The following TGFB2 variants were observed in gnomAD, a reference collection of about 807,000 sequenced individuals.
TGFB2 encodes the protein transforming growth factor beta-2 proprotein.
Under a neutral mutation model 42.7 loss-of-function variants are expected in TGFB2, and 13 were observed. That is an observed-to-expected ratio of 0.30 (90% CI 0.20 to 0.48). TGFB2 has a LOEUF of 0.48. Among genes scored for constraint, TGFB2 ranks in the 20% least tolerant of loss-of-function variants. The pLI, the probability that TGFB2 is intolerant of heterozygous loss-of-function variation, is 0.99. For missense variants in TGFB2, 390 were observed against 517.5 expected (o/e 0.75, Z 2.39); for synonymous variants, 193 against 193.6 (o/e 1.00, Z 0.03).
Position 218,436,294 on chromosome 1 carries a change from A to T in TGFB2, c.932+147A>T, listed in dbSNP as rs1049975705. ...TACAGCTCCTGTGTCTCATAATACC[A>T]TTCTTCCCAGAGGCTTATATTCATC... On this transcript the variant is annotated intron_variant, in intron 5 of 6. Coordinates refer to ENST00000366930, the MANE Select transcript of TGFB2 (RefSeq NM_003238.6). 1.4e-5 allele frequency: 10 copies of T among 737,680 alleles called. No individual in the cohort carries two copies. In the African/African-American group the frequency reaches 1.6e-4, roughly 12 times the overall value. The allele number at this position is 737,680 out of a possible 1,614,324, so 45.7% of individuals were successfully genotyped here.
intron 1 of TGFB2, chr1:218,363,280 G>A (rs1179090078): frequency 1.4e-6 from 2 of 1,413,124 alleles, no homozygotes; most frequent in Admixed American, 3.4e-5. Flanking sequence ...ATAGTTCTGT[G>A]CCAGGCATCT....
chr1:218,382,225 A>T (rs1657989755), intron 1 of TGFB2, among the ~76,000 whole-genome samples: 1 of 152,200 alleles, frequency 6.6e-6, no homozygotes, highest in Non-Finnish European at 1.5e-5. Context: ...AGGAAGCTGG[A>T]AATATAAGTA....
At chr1:218,435,919 ATTTGATGAAGG>A in intron 4 of TGFB2, 40 bp from the exon 5 acceptor site, 1 of 1,540,292 alleles carries the variant, frequency 6.5e-7, no homozygotes, top group Non-Finnish European at 8.8e-7. Flanking sequence ...GGCTGACTAT[ATTTGATGAAGG>A]TGAAGCTAAA....
chr1:218,374,600 A>G (rs1031134725), intron 1 of TGFB2, among the ~76,000 whole-genome samples: 2 of 152,196 alleles, frequency 1.3e-5, no homozygotes, highest in African/African-American at 4.8e-5. Context: ...TTCCGTTTAT[A>G]TCTCTCAGCC....
chr1:218,426,351 A>G (rs1043228594), intron 2 of TGFB2, among the ~76,000 whole-genome samples: 2 of 152,162 alleles, frequency 1.3e-5, no homozygotes, highest in Non-Finnish European at 2.9e-5. Context: ...TCTGGCTATA[A>G]TTTTGCATCT....
At chr1:218,381,059 A>C (rs919812532) in intron 1 of TGFB2, among the ~76,000 whole-genome samples, 3 of 152,180 alleles carry the variant, frequency 2.0e-5, no homozygotes, top group Non-Finnish European at 4.4e-5. Flanking sequence ...TAGTAAAACT[A>C]GTACAGAGCA....
chr1:218,417,302 G>A (rs997763550), intron 2 of TGFB2, among the ~76,000 whole-genome samples: 1 of 152,212 alleles, frequency 6.6e-6, no homozygotes. Context: ...CTGGAGCAAA[G>A]GTGACTCTAC....
intron 2 of TGFB2, among the ~76,000 whole-genome samples, chr1:218,410,918 GGGCA>G (rs1356943041): frequency 6.6e-6 from 1 of 152,150 alleles, no homozygotes; most frequent in African/African-American, 2.4e-5. Flanking sequence ...TCTTCTATAT[GGGCA>G]AGAACACCTG....
chr1:218,359,181 G>A (rs6671843), intron 1 of TGFB2, among the ~76,000 whole-genome samples: 1 of 152,136 alleles, frequency 6.6e-6, no homozygotes, highest in South Asian at 2.1e-4. Context: ...TCTGAAGCAG[G>A]AGGTTCCACC....
Position 218,434,519 on chromosome 1 carries a change from T to C in TGFB2, c.754+71T>C, listed in dbSNP as rs10482812. 4.2e-3 allele frequency: 4,072 copies of C among 979,316 alleles called. 85 individuals carry two copies. The African/African-American group carries it at 0.052, about 13-fold the overall frequency. The allele number at this position is 979,316 out of a possible 1,614,324, so 60.7% of individuals were successfully genotyped here. On this transcript the variant is annotated intron_variant, in intron 4 of 6. Coordinates refer to ENST00000366930, the MANE Select transcript of TGFB2 (RefSeq NM_003238.6). ...ATTGATAATCTCATGGGGGATAAAA[T>C]CAGTTTGCATGTGAAAATGAGACTG...
intron 1 of TGFB2, among the ~76,000 whole-genome samples, chr1:218,363,676 T>C (rs1657291744): frequency 6.6e-6 from 1 of 152,176 alleles, no homozygotes; most frequent in African/African-American, 2.4e-5. Context: ...GATATGTGTT[T>C]TAGGGGTCAC....
chr1:218,440,935 G>A (rs1039650038), intron 6 of TGFB2, among the ~76,000 whole-genome samples: 13 of 152,178 alleles, frequency 8.5e-5, no homozygotes, highest in African/African-American at 2.9e-4. Context: ...AAAATCTGTT[G>A]AATGAGCAAT....
At chr1:218,419,948 G>A (rs1029115295) in intron 2 of TGFB2, among the ~76,000 whole-genome samples, 2 of 152,058 alleles carry the variant, frequency 1.3e-5, no homozygotes, top group African/African-American at 4.8e-5. Context: ...ATTTATTTGG[G>A]CTTGTTAGTT....
intron 1 of TGFB2, among the ~76,000 whole-genome samples, chr1:218,358,413 A>G (rs974951562): frequency 2.0e-5 from 3 of 151,886 alleles, no homozygotes; most frequent in African/African-American, 7.3e-5. Flanking sequence ...CATTTCTTCT[A>G]TTTTGATTTT....
rs1660178271 is a variant in TGFB2 at position 218,442,260 on chromosome 1, C to A, written c.*898C>A. 1 of 151,830 alleles carries A rather than the reference C, an allele frequency of 6.6e-6. No individual in the cohort carries two copies. 9.4% of individuals were successfully genotyped at this position (151,830 alleles called of 1,614,324 possible). On this transcript the variant is annotated 3_prime_UTR_variant, in exon 7 of 7. Coordinates refer to ENST00000366930, the MANE Select transcript of TGFB2 (RefSeq NM_003238.6). Reference sequence around the variant, plus strand: ...TCAAACTTCAGACCTTAAAATATTGCTGTATAGCTATGCTATAGGTTTTTT... The same window carrying A: ...TCAAACTTCAGACCTTAAAATATTGATGTATAGCTATGCTATAGGTTTTTT...
intron 1 of TGFB2, among the ~76,000 whole-genome samples, chr1:218,378,804 G>C (rs1657847418): frequency 6.6e-6 from 1 of 151,540 alleles, no homozygotes; most frequent in African/African-American, 2.4e-5. Context: ...AGGGACCTGA[G>C]GAAACAATAT....
intron 1 of TGFB2, among the ~76,000 whole-genome samples, chr1:218,374,916 A>G (rs1039163436): frequency 1.3e-5 from 2 of 152,194 alleles, no homozygotes; most frequent in African/African-American, 4.8e-5. Context: ...TTTTGTCTCA[A>G]TCTGATTTCT....
At position 218,346,334 on chromosome 1, in the gene TGFB2, G is replaced by A. The variant is rs938876393; in HGVS notation, c.-368G>A. 1.1e-5 allele frequency: 2 copies of A among 178,028 alleles called. No individual in the cohort carries two copies. Among genetic ancestry groups the A allele is most frequent in the African/African-American group, 4.8e-5 (2 of 42,038 alleles). 11.0% of individuals were successfully genotyped at this position (178,028 alleles called of 1,614,324 possible). A position where few individuals can be genotyped will look rare whatever the true frequency, so the allele number is the denominator to read the frequency against. On this transcript the variant is annotated 5_prime_UTR_variant, in exon 1 of 7. Transcript: ENST00000366930. The surrounding 1 kb of genome is among the most constrained non-coding windows in gnomAD (Gnocchi z 4.9). ...TTCAGATCCGCCACTCCGCACCCGAGACTGACACACTGAACTCCACTTCCT... is the reference window on the plus strand; with the variant it reads ...TTCAGATCCGCCACTCCGCACCCGAAACTGACACACTGAACTCCACTTCCT...
At chr1:218,406,558 TTAAATACA>T (rs11267093) in intron 2 of TGFB2, among the ~76,000 whole-genome samples, 3,272 of 152,258 alleles carry the variant, frequency 0.021, 49 homozygotes, top group Non-Finnish European at 0.03. Flanking sequence ...AACAGGCAAC[TTAAATACA>T]TCCTGATGCC....
Sources: allele counts gnomAD v4.1 joint callset (sites outside exome capture counted in the v4.1 genomes callset), GRCh38; gene constraint gnomAD v4.1.1; non-coding constraint Gnocchi (gnomAD v3.1); transcripts MANE v1.5; gene names NCBI Gene and HGNC (gene_info 2026-07-23, HGNC 2026-07-21).